The following SLK variants were observed in gnomAD, a reference collection of about 807,000 sequenced individuals.
The protein encoded by SLK is STE20-like serine/threonine-protein kinase.
SLK carries 67 observed loss-of-function variants against 147.7 expected under a neutral mutation model. The observed-to-expected ratio is 0.45, with a 90% CI of 0.37 to 0.56. The LOEUF (loss-of-function observed/expected upper bound fraction) is 0.56. Ranked by LOEUF, SLK falls within the 20% of genes least tolerant of loss-of-function variation. SLK has a pLI of 0.00. For synonymous variants in SLK, 441 were observed against 475.0 expected (o/e 0.93, Z 0.93); for missense variants, 1,136 against 1,438.8 (o/e 0.79, Z 3.41).
intron 13 of SLK, among the ~76,000 whole-genome samples, chr10:104,011,393 G>C (rs1844398204): frequency 6.6e-6 from 1 of 152,158 alleles, no homozygotes; most frequent in African/African-American, 2.4e-5. Context: ...TTTTAAGCTT[G>C]ACAACATAAG....
intron 15 of SLK, 62 bp downstream of exon 15, chr10:104,018,970 T>A: frequency 6.9e-7 from 1 of 1,451,686 alleles, no homozygotes; most frequent in Non-Finnish European, 9.2e-7. Flanking sequence ...AGCTATTTAG[T>A]TTTGAAACTT....
chr10:103,978,868 G>C (rs897385369), intron 1 of SLK, among the ~76,000 whole-genome samples: 1 of 152,204 alleles, frequency 6.6e-6, no homozygotes, highest in South Asian at 2.1e-4. Context: ...AGAAAGGGAA[G>C]GTATTTGAAT....
At chr10:103,985,431 A>T (rs115852491) in intron 1 of SLK, among the ~76,000 whole-genome samples, 2,459 of 152,208 alleles carry the variant, frequency 0.016, 67 homozygotes, top group African/African-American at 0.055. Flanking sequence ...TAGTTTTTAC[A>T]TTTTATGGTT....
At chr10:104,021,052 G>A (rs964595787) in intron 17 of SLK, among the ~76,000 whole-genome samples, 2 of 152,084 alleles carry the variant, frequency 1.3e-5, no homozygotes, top group Admixed American at 1.3e-4. Context: ...TAAATATATG[G>A]GAATTTTTCT....
chr10:104,025,188 G>C (rs1291857366), intron 18 of SLK, among the ~76,000 whole-genome samples: 1 of 152,190 alleles, frequency 6.6e-6, no homozygotes, highest in Non-Finnish European at 1.5e-5. Context: ...GTAGGCAGGG[G>C]TAAGTGCCAT....
At position 104,019,639 on chromosome 10, in the gene SLK, T is replaced by C. The variant is rs963021107; in HGVS notation, c.3133-95T>C. On this transcript the variant is annotated intron_variant, in intron 15 of 18. Coordinates refer to ENST00000369755, the MANE Select transcript of SLK (RefSeq NM_014720.4). ...ACTGCAACAAGGGAGAGGGTAATTA[T>C]AGGAAACAACAATAACAAAATGACA... The C allele has an allele frequency of 3.6e-5, 35 of 968,464 alleles. No individual in the cohort carries two copies. In the East Asian group the frequency reaches 7.9e-4, roughly 22 times the overall value. The allele number at this position is 968,464 out of a possible 1,614,324, so 60.0% of individuals were successfully genotyped here.
At position 104,000,004 on chromosome 10, in the gene SLK, A is replaced by G. The variant is rs1217038497; in HGVS notation, c.864+56A>G. On this transcript the variant is annotated intron_variant, in intron 7 of 18. Transcript: ENST00000369755. ...AATTATTTTAACATCTAAGAATGTAATTTCATATTCAGTGTGCTTTCTTTC... is the reference window on the plus strand; with the variant it reads ...AATTATTTTAACATCTAAGAATGTAGTTTCATATTCAGTGTGCTTTCTTTC... 4 of 775,748 alleles carry G rather than the reference A, an allele frequency of 5.2e-6. No homozygotes were observed. In the African/African-American group the frequency reaches 7.2e-5, roughly 14 times the overall value. The allele number at this position is 775,748 out of a possible 1,614,324, so 48.1% of individuals were successfully genotyped here.
At chr10:103,989,020 C>T (rs2134466960) in intron 1 of SLK, among the ~76,000 whole-genome samples, 1 of 152,240 alleles carries the variant, frequency 6.6e-6, no homozygotes, top group South Asian at 2.1e-4. Context: ...CAGTGCATAG[C>T]CATAGCATGC....
At chr10:103,991,701 TG>T (rs1348207696) in intron 2 of SLK, among the ~76,000 whole-genome samples, 2 of 151,938 alleles carry the variant, frequency 1.3e-5, no homozygotes, top group African/African-American at 2.4e-5. Flanking sequence ...AATTTCTAAT[TG>T]GCAAGCACTT....
At chr10:104,003,691 T>C (rs1844287001) in intron 9 of SLK, among the ~76,000 whole-genome samples, 164 bp downstream of exon 9, 1 of 152,210 alleles carries the variant, frequency 6.6e-6, no homozygotes, top group Non-Finnish European at 1.5e-5. Context: ...CTAAGGAGAT[T>C]GTGGATCTAA....
intron 1 of SLK, among the ~76,000 whole-genome samples, chr10:103,975,984 G>A (rs1458494059): frequency 1.3e-5 from 2 of 151,936 alleles, no homozygotes; most frequent in Non-Finnish European, 2.9e-5. Context: ...GCAGTGGCGC[G>A]ATCAACTCCC....
chr10:103,975,864 C>T (rs1279144188), intron 1 of SLK, among the ~76,000 whole-genome samples: 1 of 152,078 alleles, frequency 6.6e-6, no homozygotes, highest in African/African-American at 2.4e-5. Context: ...CACTTGAGCC[C>T]AGGAGTTCAA....
intron 4 of SLK, among the ~76,000 whole-genome samples, chr10:103,995,722 A>G (rs1046329158): frequency 2.0e-5 from 3 of 151,996 alleles, no homozygotes; most frequent in Non-Finnish European, 4.4e-5. Flanking sequence ...CACTGCACCC[A>G]GTGTAATTAG....
At position 104,021,749 on chromosome 10, in the gene SLK, TTAA is replaced by T; in HGVS notation, c.3561+18_3561+20del. ...TAGGAAAAAGGTAATTTTAAAAGCT[TTAA>T]TTAAAATGATATGTGTGTACTCGTC... On this transcript the variant is annotated intron_variant, in intron 18 of 18. Coordinates refer to ENST00000369755, the MANE Select transcript of SLK (RefSeq NM_014720.4). 7.3e-7 allele frequency: 1 copy of T among 1,375,014 alleles called. No individual in the cohort carries two copies. Among genetic ancestry groups the T allele is most frequent in the South Asian group, 1.2e-5 (1 of 84,642 alleles). 85.2% of individuals were successfully genotyped at this position (1,375,014 alleles called of 1,614,324 possible).
At chr10:103,989,822 A>G (rs547635739) in intron 1 of SLK, among the ~76,000 whole-genome samples, 432 of 152,278 alleles carry the variant, frequency 2.8e-3, no homozygotes, top group South Asian at 5.6e-3. Flanking sequence ...ATGATCCAGC[A>G]GTTGTACTCC....
chr10:103,973,646 TTAA>T (rs1843822903), intron 1 of SLK, among the ~76,000 whole-genome samples: 1 of 152,240 alleles, frequency 6.6e-6, no homozygotes, highest in Non-Finnish European at 1.5e-5. Flanking sequence ...TTTTACTATC[TTAA>T]TAATGAGTTA....
Position 104,026,051 on chromosome 10 carries a change from A to G in SLK, c.*331A>G. On this transcript the variant is annotated 3_prime_UTR_variant, in exon 19 of 19. Coordinates refer to ENST00000369755, the MANE Select transcript of SLK (RefSeq NM_014720.4). ...AAAGTTATTTAAGAAAAACTGTTAC[A>G]TCACTAAGTATTAATAAATTCTTCT... The G allele has an allele frequency of 5.4e-6, 1 of 184,728 alleles. No individual in the cohort carries two copies. Among genetic ancestry groups the G allele is most frequent in the Non-Finnish European group, 1.1e-5 (1 of 89,240 alleles). The allele number at this position is 184,728 out of a possible 1,614,324, so 11.4% of individuals were successfully genotyped here.
chr10:103,980,069 A>G (rs2134452369), intron 1 of SLK, among the ~76,000 whole-genome samples: 1 of 152,242 alleles, frequency 6.6e-6, no homozygotes, highest in African/African-American at 2.4e-5. Context: ...TTTTCTATGT[A>G]GATACCCAGT....
intron 4 of SLK, among the ~76,000 whole-genome samples, chr10:103,995,339 C>A (rs1246605624): frequency 6.6e-6 from 1 of 151,606 alleles, no homozygotes; most frequent in Non-Finnish European, 1.5e-5. Flanking sequence ...GCTTACTTGA[C>A]AGTTCTGAGA....
Sources: allele counts gnomAD v4.1 joint callset (sites outside exome capture counted in the v4.1 genomes callset), GRCh38; gene constraint gnomAD v4.1.1; transcripts MANE v1.5; gene names NCBI Gene and HGNC (gene_info 2026-07-23, HGNC 2026-07-21).